Variants in TNFRSF21 observed in about 807,000 individuals in gnomAD.
The protein encoded by TNFRSF21 is TNF receptor superfamily member 21.
TNFRSF21 carries 19 observed loss-of-function variants against 45.6 expected under a neutral mutation model. The observed-to-expected ratio is 0.42, with a 90% CI of 0.29 to 0.61. The LOEUF (loss-of-function observed/expected upper bound fraction) is 0.61. Among genes scored for constraint, TNFRSF21 ranks in the 20% least tolerant of loss-of-function variants. TNFRSF21 has a pLI of 0.23. For synonymous variants in TNFRSF21, 314 were observed against 335.5 expected (o/e 0.94, Z 0.70); for missense variants, 737 against 851.5 (o/e 0.87, Z 1.67).
At position 47,309,759 on chromosome 6, in the gene TNFRSF21, T is replaced by G; in HGVS notation, c.-248A>C. ...GAAGCCGCCGCGACTGCAGCCCGCG[T>G]CTCCGGGTGCTCTCCTCCGACAGCG... is the stretch of plus-strand genomic sequence containing the variant. On this transcript the variant is annotated 5_prime_UTR_variant, in exon 1 of 6. Transcript: ENST00000296861. 1 of 424,568 alleles carries G rather than the reference T, an allele frequency of 2.4e-6. No homozygotes were observed. The highest frequency in any genetic ancestry group is 4.1e-6 in the Non-Finnish European group (1 of 246,610). 26.3% of individuals were successfully genotyped at this position (424,568 alleles called of 1,614,324 possible). A position where few individuals can be genotyped will look rare whatever the true frequency, so the allele number is the denominator to read the frequency against.
chr6:47,272,973 G>GA (rs1762449635), intron 3 of TNFRSF21, among the ~76,000 whole-genome samples: 1 of 152,190 alleles, frequency 6.6e-6, no homozygotes, highest in South Asian at 2.1e-4. Flanking sequence ...GGAGGAAGTT[G>GA]AATCTCTGAA....
At chr6:47,304,748 C>T (rs528229904) in intron 1 of TNFRSF21, among the ~76,000 whole-genome samples, 55 of 152,174 alleles carry the variant, frequency 3.6e-4, no homozygotes, top group Non-Finnish European at 7.6e-4. Context: ...ATCCCATTTA[C>T]GAGGAATTTT....
chr6:47,294,421 C>T (rs557721939), intron 1 of TNFRSF21, among the ~76,000 whole-genome samples: 103 of 152,320 alleles, frequency 6.8e-4, no homozygotes, highest in African/African-American at 2.2e-3. Context: ...GGATTACAGG[C>T]GTGAGCCAAC....
intron 2 of TNFRSF21, among the ~76,000 whole-genome samples, chr6:47,285,326 T>A (rs1417081796): frequency 2.0e-5 from 3 of 152,182 alleles, no homozygotes; most frequent in African/African-American, 7.2e-5. Flanking sequence ...GAATAATTGA[T>A]ATAAGGAGTA....
At chr6:47,270,931 A>C (rs888042196) in intron 3 of TNFRSF21, among the ~76,000 whole-genome samples, 2 of 152,204 alleles carry the variant, frequency 1.3e-5, no homozygotes, top group Non-Finnish European at 2.9e-5. Context: ...TTGAAGATCA[A>C]ATTAATGAAA....
chr6:47,291,804 T>G lies in TNFRSF21; in HGVS notation c.97-5209A>C, dbSNP rs183439647. Among the ~76,000 whole-genome samples, 273 of 152,354 alleles carry G rather than the reference T, an allele frequency of 1.8e-3. 1 individual carries two copies. The highest frequency in any genetic ancestry group is 3.4e-3 in the African/African-American group (141 of 41,590). ...GGACTTCGAAGGCCTCTTCCAATTC[T>G]GAAGTAAACAGTTAACCCAATCTGT... On this transcript the variant is annotated intron_variant, in intron 1 of 5. Coordinates refer to ENST00000296861, the MANE Select transcript of TNFRSF21 (RefSeq NM_014452.5).
chr6:47,301,912 G>A (rs1762869420), intron 1 of TNFRSF21, among the ~76,000 whole-genome samples: 2 of 151,956 alleles, frequency 1.3e-5, no homozygotes, highest in Admixed American at 1.3e-4. Flanking sequence ...AAATTATTCT[G>A]GGGACCTGTT....
intron 3 of TNFRSF21, among the ~76,000 whole-genome samples, chr6:47,281,029 T>C (rs187043940): frequency 3.3e-5 from 5 of 152,276 alleles, no homozygotes; most frequent in African/African-American, 1.2e-4. Flanking sequence ...GGCAGTTTAA[T>C]GCAATTCTGA....
chr6:47,264,508 C>A (rs1582332189), intron 3 of TNFRSF21, among the ~76,000 whole-genome samples: 1 of 152,110 alleles, frequency 6.6e-6, no homozygotes, highest in South Asian at 2.1e-4. Context: ...GAGCAAGACT[C>A]CATCTCAAAA....
chr6:47,254,054 T>G (rs992671309), intron 3 of TNFRSF21, among the ~76,000 whole-genome samples: 2 of 152,240 alleles, frequency 1.3e-5, no homozygotes, highest in African/African-American at 4.8e-5. Flanking sequence ...CTTTCATGTT[T>G]TCACTTAAAG....
chr6:47,288,818 G>A (rs956960610), intron 1 of TNFRSF21, among the ~76,000 whole-genome samples: 1 of 152,082 alleles, frequency 6.6e-6, no homozygotes, highest in African/African-American at 2.4e-5. Context: ...AAACAGAGGC[G>A]GGCCCTTGGC....
intron 3 of TNFRSF21, among the ~76,000 whole-genome samples, chr6:47,260,237 G>A (rs1385640404): frequency 3.3e-5 from 5 of 151,222 alleles, no homozygotes; most frequent in East Asian, 3.9e-4. Context: ...AACCTCACAC[G>A]TACATGTTAG....
At chr6:47,246,922 C>A (rs1764832910) in intron 4 of TNFRSF21, among the ~76,000 whole-genome samples, 1 of 152,072 alleles carries the variant, frequency 6.6e-6, no homozygotes, top group South Asian at 2.1e-4. Context: ...CTTATAATTC[C>A]TCATGCACAC....
chr6:47,238,232 T>C (rs2113843333), intron 4 of TNFRSF21, among the ~76,000 whole-genome samples: 1 of 152,224 alleles, frequency 6.6e-6, no homozygotes, highest in Non-Finnish European at 1.5e-5. Flanking sequence ...AGATTATCAA[T>C]GTGGCTGAGC....
intron 1 of TNFRSF21, among the ~76,000 whole-genome samples, chr6:47,291,737 G>A (rs915876219): frequency 6.6e-5 from 10 of 152,206 alleles, no homozygotes; most frequent in Non-Finnish European, 1.2e-4. Flanking sequence ...ATTTGCAGGA[G>A]GGATTTTTCC....
At chr6:47,233,307 A>G (rs963905754) in intron 5 of TNFRSF21, among the ~76,000 whole-genome samples, 3 of 152,240 alleles carry the variant, frequency 2.0e-5, no homozygotes, top group Non-Finnish European at 2.9e-5. Context: ...CTTCTAAATT[A>G]TTTTAGAATT....
At chr6:47,288,250 A>G (rs1247163253) in intron 1 of TNFRSF21, among the ~76,000 whole-genome samples, 1 of 152,400 alleles carries the variant, frequency 6.6e-6, no homozygotes, top group East Asian at 1.9e-4. Context: ...AGTAACATGG[A>G]TAAATCTTAC....
chr6:47,290,241 C>T (rs1033727925), intron 1 of TNFRSF21, among the ~76,000 whole-genome samples: 11 of 152,136 alleles, frequency 7.2e-5, no homozygotes, highest in Admixed American at 6.6e-4. Context: ...GGGCAGGGAG[C>T]GGTGGTCGGC....
intron 1 of TNFRSF21, among the ~76,000 whole-genome samples, chr6:47,288,060 C>G (rs1156874613): frequency 3.3e-5 from 5 of 152,134 alleles, no homozygotes; most frequent in Admixed American, 6.5e-5. Context: ...TACACACATG[C>G]CTAATGGAAA....
Sources: allele counts gnomAD v4.1 joint callset (sites outside exome capture counted in the v4.1 genomes callset), GRCh38; gene constraint gnomAD v4.1.1; transcripts MANE v1.5; gene names NCBI Gene and HGNC (gene_info 2026-07-23, HGNC 2026-07-21).